The following CPEB3 variants were observed in gnomAD, a reference collection of about 807,000 sequenced individuals.
The protein encoded by CPEB3 is cytoplasmic polyadenylation element binding protein 3, also known as cytoplasmic polyadenylation element-binding protein 3.
A neutral mutation model predicts 67.2 loss-of-function variants in CPEB3; 20 were observed. The ratio of observed to expected loss-of-function variants is 0.30; its 90% CI spans 0.21 to 0.43. The LOEUF is 0.43. Among genes scored for constraint, CPEB3 ranks in the 20% least tolerant of loss-of-function variants. CPEB3 has a pLI of 1.00. For missense variants in CPEB3, 746 were observed against 968.6 expected, an observed-to-expected ratio of 0.77 and a Z score of 3.05; for synonymous variants, 376 against 393.1, an observed-to-expected ratio of 0.96 and a Z score of 0.51.
At chr10:92,231,766 C>G (rs962217487) in intron 2 of CPEB3, among the ~76,000 whole-genome samples, 5 of 152,146 alleles carry the variant, frequency 3.3e-5, no homozygotes, top group Non-Finnish European at 7.3e-5. Flanking sequence ...GTCACCCAGG[C>G]TGGAGTGCAA....
chr10:92,257,330 T>C (rs1852559361), intron 1 of CPEB3, among the ~76,000 whole-genome samples: 1 of 152,246 alleles, frequency 6.6e-6, no homozygotes, highest in African/African-American at 2.4e-5. Context: ...GCAGGGCCTC[T>C]GTCTCCCAGG....
chr10:92,096,410 GAAC>G (rs1251255109), intron 7 of CPEB3, among the ~76,000 whole-genome samples: 1 of 151,958 alleles, frequency 6.6e-6, no homozygotes, highest in Non-Finnish European at 1.5e-5. Flanking sequence ...GCAAACCTAG[GAAC>G]AACTGTATAG....
At chr10:92,052,990 C>A (rs1007832246) in intron 9 of CPEB3, among the ~76,000 whole-genome samples, 1 of 152,168 alleles carries the variant, frequency 6.6e-6, no homozygotes, top group African/African-American at 2.4e-5. Flanking sequence ...ATGGGAGGAG[C>A]TGAAGGGAGA....
intron 4 of CPEB3, among the ~76,000 whole-genome samples, chr10:92,150,052 G>A (rs1297118694): frequency 6.6e-6 from 1 of 152,200 alleles, no homozygotes; most frequent in African/African-American, 2.4e-5. Context: ...ACTGCCTGAA[G>A]TGCTGGCAGA....
intron 2 of CPEB3, among the ~76,000 whole-genome samples, chr10:92,199,251 C>T (rs1849388113): frequency 6.6e-6 from 1 of 151,848 alleles, no homozygotes; most frequent in Admixed American, 6.6e-5. Context: ...ATTAGTCAGG[C>T]ATGGTGGCGC....
At chr10:92,282,639 T>C (rs752726521) in intron 1 of CPEB3, among the ~76,000 whole-genome samples, 1 of 151,792 alleles carries the variant, frequency 6.6e-6, no homozygotes, top group African/African-American at 2.4e-5. Context: ...GAGCCAAGAC[T>C]GCACCACTGT....
intron 6 of CPEB3, among the ~76,000 whole-genome samples, chr10:92,122,664 A>C (rs1845443063): frequency 6.6e-6 from 1 of 152,244 alleles, no homozygotes; most frequent in South Asian, 2.1e-4. Flanking sequence ...GATCCTAAGA[A>C]GTATTTTTGT....
At chr10:92,178,219 C>T (rs1053759635) in intron 4 of CPEB3, among the ~76,000 whole-genome samples, 3 of 149,656 alleles carry the variant, frequency 2.0e-5, no homozygotes, top group Non-Finnish European at 3.0e-5. Context: ...AGTGCAGTGG[C>T]GTGATCTCGG....
chr10:92,196,859 G>A (rs1233339114), intron 2 of CPEB3, among the ~76,000 whole-genome samples: 1 of 151,908 alleles, frequency 6.6e-6, no homozygotes, highest in Non-Finnish European at 1.5e-5. Flanking sequence ...TTGAACCTGG[G>A]AGGTGGAGGT....
chr10:92,118,752 C>T (rs79628152), intron 6 of CPEB3: 2 of 751,374 alleles, frequency 2.7e-6, no homozygotes, highest in African/African-American at 1.7e-5. Context: ...TTGGGAACCA[C>T]AGGCAAACAA....
chr10:92,226,693 A>C (rs2134504262), intron 2 of CPEB3, among the ~76,000 whole-genome samples: 1 of 152,328 alleles, frequency 6.6e-6, no homozygotes, highest in South Asian at 2.1e-4. Context: ...CTGTAAGACA[A>C]TGTAGCATAA....
intron 7 of CPEB3, among the ~76,000 whole-genome samples, chr10:92,099,271 A>G (rs1267854158): frequency 1.3e-5 from 2 of 149,404 alleles, no homozygotes; most frequent in Non-Finnish European, 3.0e-5. Flanking sequence ...CCCAGGCTAG[A>G]GTACAGTAGT....
chr10:92,260,072 C>T (rs1852723646), intron 1 of CPEB3, among the ~76,000 whole-genome samples: 1 of 152,142 alleles, frequency 6.6e-6, no homozygotes, highest in Non-Finnish European at 1.5e-5. Context: ...CCATGAAGAC[C>T]AGGAGATAGC....
At chr10:92,055,854 A>G (rs1188915473) in intron 9 of CPEB3, among the ~76,000 whole-genome samples, 2 of 152,148 alleles carry the variant, frequency 1.3e-5, no homozygotes, top group African/African-American at 2.4e-5. Context: ...AGCCTGGGCA[A>G]CAACAACAAA....
chr10:92,199,391 CAAAAAAAAAAA>C (rs61159896), intron 2 of CPEB3, among the ~76,000 whole-genome samples: 2 of 76,370 alleles, frequency 2.6e-5, no homozygotes, highest in African/African-American at 1.0e-4. Context: ...AACTCTGTCT[CAAAAAAAAAAA>C]AAAAAAAAGG....
chr10:92,160,897 T>C (rs1847442778), intron 4 of CPEB3, among the ~76,000 whole-genome samples: 1 of 152,184 alleles, frequency 6.6e-6, no homozygotes, highest in Non-Finnish European at 1.5e-5. Context: ...GTTTTGTTGG[T>C]TTGTTTTTTT....
At chr10:92,071,240 T>C (rs1842741372) in intron 9 of CPEB3, among the ~76,000 whole-genome samples, 1 of 152,214 alleles carries the variant, frequency 6.6e-6, no homozygotes, top group South Asian at 2.1e-4. Context: ...CAATGTCTAC[T>C]GCATGATGCA....
Position 92,239,783 on chromosome 10 carries a change from G to C in CPEB3, c.568C>G (p.Arg190Gly). ...QPPQAQPPQQRRSPASPSQAP... is the reference protein window; with the variant it reads ...QPPQAQPPQQGRSPASPSQAP... ...TGGCTGGGGCTGGCGGGTGAGCGGC[G>C]CTGCTGCGGGGGCTGCGCCTGTGGT... Residue 190 changes from arginine (R) to glycine (G), a missense_variant, in exon 2 of 10, where the codon CGC (arginine) becomes GGC (glycine). Physicochemically the swap from Arg to Gly is moderately radical, Grantham distance 125. Coordinates refer to ENST00000265997, the MANE Select transcript of CPEB3 (RefSeq NM_014912.5). The surrounding 1 kb of genome is among the most constrained non-coding windows in gnomAD (Gnocchi z 6.0). 3 of 1,412,856 alleles carry C rather than the reference G, an allele frequency of 2.1e-6. No individual in the cohort carries two copies. The highest frequency in any genetic ancestry group is 2.8e-6 in the Non-Finnish European group (3 of 1,090,844). 87.5% of individuals were successfully genotyped at this position (1,412,856 alleles called of 1,614,324 possible).
At chr10:92,213,985 CAT>C (rs1247128063) in intron 2 of CPEB3, among the ~76,000 whole-genome samples, 3 of 152,280 alleles carry the variant, frequency 2.0e-5, no homozygotes, top group Admixed American at 2.0e-4. Flanking sequence ...GAAAACCATA[CAT>C]ATGACTCAAC....
Sources: allele counts gnomAD v4.1 joint callset (sites outside exome capture counted in the v4.1 genomes callset), GRCh38; gene constraint gnomAD v4.1.1; non-coding constraint Gnocchi (gnomAD v3.1); transcripts MANE v1.5; gene names NCBI Gene and HGNC (gene_info 2026-07-23, HGNC 2026-07-21).